The following ZNF726 variants were observed in gnomAD, a reference collection of about 807,000 sequenced individuals.
ZNF726 encodes zinc finger protein 92 pseudogene 3.
A neutral mutation model predicts 11.6 loss-of-function variants in ZNF726; 15 were observed. That is an observed-to-expected ratio of 1.29 (90% CI 0.86 to 1.99). ZNF726 has a LOEUF of 1.99. Among genes scored for constraint, ZNF726 ranks in the 30% most tolerant of loss-of-function variants. ZNF726 has a pLI of 0.00. For synonymous variants in ZNF726, 295 were observed against 243.6 expected (o/e 1.21, Z -1.96); for missense variants, 890 against 725.6 (o/e 1.23, Z -2.60).
chr19:23,926,915 T>C (rs1358113640), intron 3 of ZNF726, among the ~76,000 whole-genome samples: 3 of 152,184 alleles, frequency 2.0e-5, no homozygotes, highest in African/African-American at 7.2e-5. Context: ...TTGTCTATAG[T>C]TCATAATAAA....
At chr19:23,943,013 G>A (rs1968362303) in intron 3 of ZNF726, among the ~76,000 whole-genome samples, 1 of 150,802 alleles carries the variant, frequency 6.6e-6, no homozygotes, top group African/African-American at 2.4e-5. Context: ...ATACTTTGGT[G>A]TTTTTTTTTG....
chr19:23,927,651 C>A (rs543986636), intron 3 of ZNF726: 10 of 152,152 alleles, frequency 6.6e-5, no homozygotes, highest in Admixed American at 4.6e-4. Context: ...CGTACCATGT[C>A]TGAATAATTC....
intron 3 of ZNF726, among the ~76,000 whole-genome samples, chr19:23,930,715 T>C (rs7246680): frequency 0.24 from 35,959 of 151,988 alleles, 4,456 homozygotes; most frequent in African/African-American, 0.26. Flanking sequence ...TATTTATTTG[T>C]GAGTCTATGT....
At position 23,932,591 on chromosome 19, in the gene ZNF726, A is replaced by C. The variant is rs772686748; in HGVS notation, c.475A>C (p.Asn159His). 6.5e-7 allele frequency: 1 copy of C among 1,545,842 alleles called. No homozygotes were observed. Among genetic ancestry groups the C allele is most frequent in the East Asian group, 2.4e-5 (1 of 41,068 alleles). ...TTTGAAAGTCTTTTATAAATTTATA[A>C]ATTTAAACAGATATAAGATAAGACA... ...KYLKVFYKFI[N>H]LNRYKIRHTR... is the part of the protein sequence containing the mutation. The change falls in exon 4 of 4, where the codon AAT (asparagine) becomes CAT (histidine). Residue 159 changes from asparagine (N) to histidine (H), a missense_variant. Physicochemically the swap from Asn to His is moderately conservative, Grantham distance 68. Coordinates refer to ENST00000594466, the MANE Select transcript of ZNF726 (RefSeq NM_001244038.2).
At chr19:23,937,724 C>G (rs1422853824), downstream of ZNF726, among the ~76,000 whole-genome samples, 2 of 152,152 alleles carry the variant, frequency 1.3e-5, no homozygotes, top group Non-Finnish European at 1.5e-5. Context: ...AGAGACGCTC[C>G]TCACTTCCCA....
intron 3 of ZNF726, among the ~76,000 whole-genome samples, chr19:23,926,569 CAAAAA>C (rs76766569): frequency 1.6e-4 from 18 of 114,292 alleles, no homozygotes; most frequent in Non-Finnish European, 2.4e-4. Context: ...GACTCTGTTC[CAAAAA>C]AAAAAAAAAA....
intron 1 of ZNF726, among the ~76,000 whole-genome samples, chr19:23,917,974 T>A (rs1199432236): frequency 6.6e-6 from 1 of 152,198 alleles, no homozygotes; most frequent in Non-Finnish European, 1.5e-5. Context: ...TCCTTCTTAC[T>A]GTGTCCTGTC....
At chr19:23,937,850 G>A (rs899325639), downstream of ZNF726, among the ~76,000 whole-genome samples, 7 of 152,344 alleles carry the variant, frequency 4.6e-5, no homozygotes, top group African/African-American at 1.7e-4. Flanking sequence ...TCCAGCCTGG[G>A]CACCATTGAG....
intron 3 of ZNF726, among the ~76,000 whole-genome samples, chr19:23,941,362 G>A (rs1277395616): frequency 1.3e-5 from 2 of 152,106 alleles, no homozygotes; most frequent in Non-Finnish European, 2.9e-5. Flanking sequence ...TTTTTGACAT[G>A]TTGTTGGATT....
In ZNF726 at chr19:23,934,230, GA is replaced by G; in HGVS notation, c.*268del. Reference sequence around the variant, plus strand: ...TACTGGAAATAAACCCTACAAATGTGAAAAATGTGGCAAAGCATATGGTCCA... The same window carrying G: ...TACTGGAAATAAACCCTACAAATGTGAAAATGTGGCAAAGCATATGGTCCA... On this transcript the variant is annotated 3_prime_UTR_variant, in exon 4 of 4. Transcript: ENST00000594466. 5.8e-6 allele frequency: 4 copies of G among 688,932 alleles called. No homozygotes were observed. Among genetic ancestry groups the G allele is most frequent in the African/African-American group, 1.8e-5 (1 of 55,434 alleles). The allele number at this position is 688,932 out of a possible 1,614,324, so 42.7% of individuals were successfully genotyped here. A position where few individuals can be genotyped will look rare whatever the true frequency, so the allele number is the denominator to read the frequency against.
chr19:23,939,421 G>A (rs924507797), downstream of ZNF726, among the ~76,000 whole-genome samples: 1 of 152,134 alleles, frequency 6.6e-6, no homozygotes, highest in Admixed American at 6.5e-5. Context: ...TGTGCTGCTG[G>A]AAATATGGAT....
In ZNF726 at chr19:23,933,931, C is replaced by A; in HGVS notation, c.1815C>A (p.Ser605=). 1 of 1,583,070 alleles carries A rather than the reference C, an allele frequency of 6.3e-7. No homozygotes were observed. The highest frequency in any genetic ancestry group is 2.3e-5 in the East Asian group (1 of 43,132). The change falls in exon 4 of 4, where the codon TCC becomes TCA. Residue 605 remains serine (S), a synonymous_variant. Coordinates refer to ENST00000594466, the MANE Select transcript of ZNF726 (RefSeq NM_001244038.2). ...CDECGKSFIW[S]STLFKHKRIH... Reference sequence around the variant, plus strand: ...AATGTGGCAAATCATTTATCTGGTCCTCAACCCTTTTTAAGCATAAGAGGA... The same window carrying A: ...AATGTGGCAAATCATTTATCTGGTCATCAACCCTTTTTAAGCATAAGAGGA...
At chr19:23,927,840 A>G (rs1258314380) in intron 3 of ZNF726, 2 of 152,196 alleles carry the variant, frequency 1.3e-5, no homozygotes, top group Non-Finnish European at 2.9e-5. Context: ...CCAGCTGCAA[A>G]TAAGAATATT....
intron 3 of ZNF726, chr19:23,927,704 AC>A (rs1340229375): frequency 1.3e-5 from 2 of 152,126 alleles, no homozygotes; most frequent in Non-Finnish European, 2.9e-5. Flanking sequence ...CTGGCCTCAA[AC>A]TTTTAACTCC....
At chr19:23,925,601 C>T (rs774072991) in intron 3 of ZNF726, among the ~76,000 whole-genome samples, 7 of 151,846 alleles carry the variant, frequency 4.6e-5, no homozygotes, top group Non-Finnish European at 1.0e-4. Flanking sequence ...GACTTTTATG[C>T]ATTTCTCTAC....
intron 3 of ZNF726, among the ~76,000 whole-genome samples, chr19:23,927,066 C>T (rs140880183): frequency 9.9e-4 from 150 of 152,246 alleles, no homozygotes; most frequent in African/African-American, 3.4e-3. Flanking sequence ...CAACCTCTGC[C>T]TCCCAGGTTC....
downstream of ZNF726, chr19:23,936,277 A>G (rs1322829556): frequency 6.6e-6 from 1 of 152,232 alleles, no homozygotes; most frequent in Non-Finnish European, 1.5e-5. Context: ...ATTACACTAA[A>G]TCAGTGCTGA....
intron 3 of ZNF726, among the ~76,000 whole-genome samples, chr19:23,930,882 G>A (rs7246207): frequency 0.48 from 72,272 of 152,072 alleles, 18,443 homozygotes; most frequent in African/African-American, 0.67. Context: ...TAGTCATATT[G>A]TCTTGACATT....
chr19:23,940,389 T>A (rs1196110775), intron 3 of ZNF726, among the ~76,000 whole-genome samples: 1 of 152,186 alleles, frequency 6.6e-6, no homozygotes, highest in Non-Finnish European at 1.5e-5. Flanking sequence ...ACCAGTACCA[T>A]GCTGTTTTGG....
Sources: allele counts gnomAD v4.1 joint callset (sites outside exome capture counted in the v4.1 genomes callset), GRCh38; gene constraint gnomAD v4.1.1; transcripts MANE v1.5; gene names NCBI Gene and HGNC (gene_info 2026-07-23, HGNC 2026-07-21).